Variants in DGKB observed in about 807,000 individuals in gnomAD.
DGKB encodes the protein 90 kDa diacylglycerol kinase.
In DGKB, 67 loss-of-function variants were observed where a neutral mutation model predicts 114.3. That is an observed-to-expected ratio of 0.59 (90% confidence interval 0.48 to 0.72). The LOEUF (loss-of-function observed/expected upper bound fraction) is 0.72. DGKB is among the 30% of genes least tolerant of loss of function. The pLI, the probability that DGKB is intolerant of heterozygous loss-of-function variation, is 0.00. For missense variants in DGKB, 907 were observed against 975.2 expected (o/e 0.93, Z 0.93); for synonymous variants, 398 against 323.1 (o/e 1.23, Z -2.49).
At chr7:14,453,898 C>T (rs1274542380) in intron 21 of DGKB, among the ~76,000 whole-genome samples, 3 of 152,120 alleles carry the variant, frequency 2.0e-5, no homozygotes, top group Non-Finnish European at 4.4e-5. Flanking sequence ...GACCCCTGAT[C>T]TGTCTTATTA....
At chr7:14,931,339 T>C (rs1785008410) in intron 1 of DGKB, among the ~76,000 whole-genome samples, 1 of 152,176 alleles carries the variant, frequency 6.6e-6, no homozygotes, top group Non-Finnish European at 1.5e-5. Flanking sequence ...CTCAAACTCC[T>C]GACCTCGTGA....
intron 2 of DGKB, among the ~76,000 whole-genome samples, chr7:14,787,641 G>A (rs1227054270): frequency 6.6e-6 from 1 of 152,160 alleles, no homozygotes; most frequent in African/African-American, 2.4e-5. Context: ...TTAGTCTGGA[G>A]AACTAAGAGT....
At chr7:14,945,599 A>C (rs960719904) in intron 1 of DGKB, among the ~76,000 whole-genome samples, 6 of 151,834 alleles carry the variant, frequency 4.0e-5, no homozygotes, top group Non-Finnish European at 8.8e-5. Context: ...ACACACAGGC[A>C]CACGCACAAG....
intron 25 of DGKB, among the ~76,000 whole-genome samples, chr7:14,154,072 T>A (rs1382847691): frequency 6.6e-6 from 1 of 151,228 alleles, no homozygotes; most frequent in Non-Finnish European, 1.5e-5. Context: ...AGATCCAGGA[T>A]GACAGATTTG....
At chr7:14,251,324 A>C (rs1795205168) in intron 23 of DGKB, among the ~76,000 whole-genome samples, 1 of 148,618 alleles carries the variant, frequency 6.7e-6, no homozygotes, top group South Asian at 2.2e-4. Flanking sequence ...GGATGATTTA[A>C]AATATCTTAT....
chr7:14,558,372 A>T (rs1291270700), intron 20 of DGKB, among the ~76,000 whole-genome samples: 1 of 152,038 alleles, frequency 6.6e-6, no homozygotes, highest in Non-Finnish European at 1.5e-5. Context: ...TTAGAATTGT[A>T]TATTTCCTGT....
chr7:14,444,978 T>C (rs999908384), intron 21 of DGKB, among the ~76,000 whole-genome samples: 2 of 151,930 alleles, frequency 1.3e-5, no homozygotes, highest in Non-Finnish European at 2.9e-5. Context: ...ATTTAGTTAC[T>C]AGTTCAAAGT....
At chr7:14,750,174 A>C in intron 4 of DGKB, 3 of 518,084 alleles carry the variant, frequency 5.8e-6, no homozygotes, top group Non-Finnish European at 1.2e-5. Flanking sequence ...CTGAAGACAT[A>C]AATATTTCTA....
intron 6 of DGKB, among the ~76,000 whole-genome samples, chr7:14,714,552 T>G (rs1301877850): frequency 2.6e-5 from 4 of 151,946 alleles, no homozygotes; most frequent in Non-Finnish European, 5.9e-5. Flanking sequence ...AGGTTTTAAG[T>G]AAGATGAAAG....
At chr7:14,284,687 A>AATG (rs1047385708) in intron 23 of DGKB, among the ~76,000 whole-genome samples, 8 of 151,272 alleles carry the variant, frequency 5.3e-5, no homozygotes, top group African/African-American at 2.0e-4. Flanking sequence ...AGCCATAAAA[A>AATG]ATGATGAGTT....
Position 14,244,452 on chromosome 7 carries a change from C to T in DGKB, c.2123-66301G>A, listed in dbSNP as rs111853895. On this transcript the variant is annotated intron_variant, in intron 23 of 25. Transcript: ENST00000402815. ...TGGGCGGATCACAAGGTCAGGAGAT[C>T]AAGATCATCCTGGCTAACACGGTGA... Among the ~76,000 whole-genome samples, 975 of 151,764 alleles carry T rather than the reference C, an allele frequency of 6.4e-3. 17 individuals are homozygous for T. Among genetic ancestry groups the T allele is most frequent in the Non-Finnish European group, 7.6e-3 (513 of 67,900 alleles).
intron 3 of DGKB, among the ~76,000 whole-genome samples, chr7:14,757,282 C>T (rs1835018123): frequency 6.6e-6 from 1 of 152,018 alleles, no homozygotes. Flanking sequence ...TCTATTTTAT[C>T]CAATGCTGTT....
At chr7:14,739,455 G>A (rs1374581856) in intron 4 of DGKB, among the ~76,000 whole-genome samples, 1 of 152,156 alleles carries the variant, frequency 6.6e-6, no homozygotes, top group Non-Finnish European at 1.5e-5. Context: ...TTCAATTTGT[G>A]AGGTGGAAAC....
At chr7:14,693,646 T>G in intron 9 of DGKB, among the ~76,000 whole-genome samples, 1 of 151,528 alleles carries the variant, frequency 6.6e-6, no homozygotes, top group East Asian at 2.0e-4. Context: ...CTGGAGATAT[T>G]TAACTGCCTC....
At chr7:14,550,207 A>T (rs908611348) in intron 20 of DGKB, among the ~76,000 whole-genome samples, 2 of 152,172 alleles carry the variant, frequency 1.3e-5, no homozygotes, top group African/African-American at 4.8e-5. Flanking sequence ...GCTGCTTAAC[A>T]TACAACTTAT....
At chr7:14,351,899 C>CT (rs1362102278) in intron 21 of DGKB, among the ~76,000 whole-genome samples, 5 of 151,814 alleles carry the variant, frequency 3.3e-5, no homozygotes, top group East Asian at 3.9e-4. Flanking sequence ...GAAATGTGTA[C>CT]TTTTTTTTGG....
chr7:14,485,822 C>T (rs757966868), intron 20 of DGKB, among the ~76,000 whole-genome samples: 16 of 148,534 alleles, frequency 1.1e-4, no homozygotes, highest in East Asian at 6.2e-4. Flanking sequence ...ACCCAGGAGG[C>T]GGAGGTTGCA....
intron 20 of DGKB, among the ~76,000 whole-genome samples, chr7:14,570,337 T>G (rs1374232326): frequency 6.6e-6 from 1 of 151,980 alleles, no homozygotes; most frequent in Non-Finnish European, 1.5e-5. Context: ...CTTTTCAAGT[T>G]TTTTGGTTTT....
At chr7:14,740,276 G>A (rs1309668349) in intron 4 of DGKB, among the ~76,000 whole-genome samples, 1 of 150,528 alleles carries the variant, frequency 6.6e-6, no homozygotes, top group Non-Finnish European at 1.5e-5. Context: ...AGGAGTTGAT[G>A]GATTGGTGTG....
Sources: gnomAD v4.1 joint callset for allele counts (sites outside exome capture counted in the v4.1 genomes callset) on GRCh38, gnomAD v4.1.1 for gene constraint, MANE v1.5 for transcripts, NCBI Gene and HGNC (gene_info 2026-07-23, HGNC 2026-07-21) for gene names.